SMIM14: variants seen among roughly 807,000 people sequenced by gnomAD.
SMIM14 encodes the protein chromosome 4 open reading frame 34.
SMIM14 carries 5 observed loss-of-function variants against 12.6 expected under a neutral mutation model. The observed-to-expected ratio is 0.40, with a 90% CI of 0.21 to 0.83. The LOEUF (loss-of-function observed/expected upper bound fraction) is 0.83, where lower values mean the gene tolerates loss of function less well. Ranked by LOEUF, SMIM14 falls within the 40% of genes least tolerant of loss-of-function variation. SMIM14 has a pLI of 0.37. For synonymous variants in SMIM14, 30 were observed against 40.1 expected (o/e 0.75, Z 0.95); for missense variants, 86 against 119.1 (o/e 0.72, Z 1.29).
intron 1 of SMIM14, among the ~76,000 whole-genome samples, chr4:39,606,206 C>T (rs1714798117): frequency 6.6e-6 from 1 of 151,926 alleles, no homozygotes; most frequent in Non-Finnish European, 1.5e-5. Context: ...ATTAGCTGGG[C>T]ATGGTGGCAC....
intron 2 of SMIM14, among the ~76,000 whole-genome samples, chr4:39,604,867 T>TC (rs1714746505): frequency 6.6e-6 from 1 of 152,144 alleles, no homozygotes; most frequent in East Asian, 1.9e-4. Context: ...CACCTTGGCC[T>TC]CCCAAAGTGC....
intron 1 of SMIM14, among the ~76,000 whole-genome samples, chr4:39,615,064 G>C (rs947540410): frequency 6.6e-6 from 1 of 152,078 alleles, no homozygotes; most frequent in African/African-American, 2.4e-5. Flanking sequence ...AGAGACAGAG[G>C]GAGTTAAAAT....
intron 2 of SMIM14, among the ~76,000 whole-genome samples, chr4:39,601,358 C>A (rs536394663): frequency 5.3e-4 from 81 of 152,140 alleles, no homozygotes; most frequent in Non-Finnish European, 9.0e-4. Flanking sequence ...AACAAAAAAA[C>A]CCAAAAATTC....
At chr4:39,590,022 C>CAAAAAAAAAAAAAAA (rs34159677) in intron 2 of SMIM14, among the ~76,000 whole-genome samples, 2 of 71,352 alleles carry the variant, frequency 2.8e-5, no homozygotes, top group Non-Finnish European at 5.2e-5. Context: ...GACTCTGTTT[C>CAAAAAAAAAAAAAAA]AAAAAAAAAA....
chr4:39,598,230 CT>C (rs1714454722), intron 2 of SMIM14, among the ~76,000 whole-genome samples: 1 of 152,118 alleles, frequency 6.6e-6, no homozygotes, highest in African/African-American at 2.4e-5. Context: ...CCTATTCCTC[CT>C]TTTTGTACTC....
At chr4:39,595,105 G>A (rs1423971900) in intron 2 of SMIM14, among the ~76,000 whole-genome samples, 1 of 141,566 alleles carries the variant, frequency 7.1e-6, no homozygotes, top group Non-Finnish European at 1.6e-5. Context: ...ACATGCACAC[G>A]TATGTTTATT....
chr4:39,598,030 T>G (rs1462362964), intron 2 of SMIM14, among the ~76,000 whole-genome samples: 1 of 152,208 alleles, frequency 6.6e-6, no homozygotes, highest in African/African-American at 2.4e-5. Flanking sequence ...ACAACCACTA[T>G]AGAGTTCAGG....
chr4:39,547,428 T>TAAAC lies in SMIM14; in HGVS notation c.*4694_*4697dup, dbSNP rs1457324615. On this transcript the variant is annotated 3_prime_UTR_variant, in exon 5 of 5. Coordinates refer to ENST00000295958, the MANE Select transcript of SMIM14 (RefSeq NM_174921.3). ...CAGACATAATTTGTTTGGCGTGATT[T>TAAAC]AAACATATAAAATCAGTAATTAACA... 1 of 152,240 alleles carries TAAAC rather than the reference T, an allele frequency of 6.6e-6. No homozygotes were observed. Among genetic ancestry groups the TAAAC allele is most frequent in the African/African-American group, 2.4e-5 (1 of 41,454 alleles). The allele number at this position is 152,240 out of a possible 1,614,324, so 9.4% of individuals were successfully genotyped here. A position where few individuals can be genotyped will look rare whatever the true frequency, so the allele number is the denominator to read the frequency against.
intron 1 of SMIM14, among the ~76,000 whole-genome samples, chr4:39,627,239 G>C (rs1254773297): frequency 6.6e-6 from 1 of 152,074 alleles, no homozygotes; most frequent in Non-Finnish European, 1.5e-5. Flanking sequence ...ATCACACTGG[G>C]GGTTAGGATT....
chr4:39,577,940 A>G (rs1240265456), intron 2 of SMIM14, among the ~76,000 whole-genome samples: 6 of 152,178 alleles, frequency 3.9e-5, no homozygotes, highest in African/African-American at 7.2e-5. Context: ...CAAACAGGCT[A>G]TGCTCTAGGC....
Position 39,548,866 on chromosome 4 carries a change from T to A in SMIM14, c.*3260A>T, listed in dbSNP as rs1034956453. ...ATATGTAGATGTAATGTCAACTAAGTGCATGTGACAGAAATGAAGAACTAG... is the reference window on the plus strand; with the variant it reads ...ATATGTAGATGTAATGTCAACTAAGAGCATGTGACAGAAATGAAGAACTAG... On this transcript the variant is annotated 3_prime_UTR_variant, in exon 5 of 5. Transcript: ENST00000295958. 6 of 152,172 alleles carry A rather than the reference T, an allele frequency of 3.9e-5. No homozygotes were observed. The highest frequency in any genetic ancestry group is 8.8e-5 in the Non-Finnish European group (6 of 68,038). 9.4% of individuals were successfully genotyped at this position (152,172 alleles called of 1,614,324 possible).
At chr4:39,584,818 A>G (rs1713709176) in intron 2 of SMIM14, among the ~76,000 whole-genome samples, 1 of 151,196 alleles carries the variant, frequency 6.6e-6, no homozygotes, top group Admixed American at 6.6e-5. Flanking sequence ...AAAAGAAAAA[A>G]GAAAAAAAAA....
chr4:39,614,950 T>G (rs1465183212), intron 1 of SMIM14, among the ~76,000 whole-genome samples: 1 of 152,224 alleles, frequency 6.6e-6, no homozygotes, highest in Non-Finnish European at 1.5e-5. Flanking sequence ...ATAACTCAGT[T>G]GAGTCATACT....
At chr4:39,596,486 G>A (rs1714369730) in intron 2 of SMIM14, among the ~76,000 whole-genome samples, 3 of 152,162 alleles carry the variant, frequency 2.0e-5, no homozygotes, top group Non-Finnish European at 4.4e-5. Flanking sequence ...GGTCAGGACT[G>A]AACATGTCTC....
At chr4:39,576,972 A>G (rs1434773188) in intron 2 of SMIM14, among the ~76,000 whole-genome samples, 2 of 151,502 alleles carry the variant, frequency 1.3e-5, no homozygotes, top group Non-Finnish European at 2.9e-5. Context: ...CGGCCTCCCA[A>G]AGTGCTGGGA....
chr4:39,582,101 C>T (rs1713537861), intron 2 of SMIM14, among the ~76,000 whole-genome samples: 1 of 150,314 alleles, frequency 6.7e-6, no homozygotes, highest in South Asian at 2.1e-4. Context: ...AAACTCCCGA[C>T]CTCAGGTGAT....
At chr4:39,587,060 A>G (rs1437980674) in intron 2 of SMIM14, among the ~76,000 whole-genome samples, 1 of 152,010 alleles carries the variant, frequency 6.6e-6, no homozygotes, top group African/African-American at 2.4e-5. Flanking sequence ...TCCAAATGCT[A>G]GCACATTGGG....
At chr4:39,586,080 C>CT (rs1369420576) in intron 2 of SMIM14, among the ~76,000 whole-genome samples, 9 of 152,068 alleles carry the variant, frequency 5.9e-5, no homozygotes. Flanking sequence ...CTGCTGGGGG[C>CT]TGGTGATTTG....
At position 39,619,065 on chromosome 4, in the gene SMIM14, G is replaced by T. The variant is rs1427444361; in HGVS notation, c.-35-13885C>A. Among the ~76,000 whole-genome samples the T allele has an allele frequency of 2.6e-5, 4 of 151,828 alleles. No individual in the cohort carries two copies. The East Asian group carries it at 7.7e-4, about 29-fold the overall frequency. On this transcript the variant is annotated intron_variant, in intron 1 of 4. Coordinates refer to ENST00000295958, the MANE Select transcript of SMIM14 (RefSeq NM_174921.3). Reference sequence around the variant, plus strand: ...AACCAACAAATTAAGTGATGATAGAGGGTAAGACAGGGTTTAGATAATTTA... The same window carrying T: ...AACCAACAAATTAAGTGATGATAGATGGTAAGACAGGGTTTAGATAATTTA...
Sources: allele counts gnomAD v4.1 joint callset (sites outside exome capture counted in the v4.1 genomes callset), GRCh38; gene constraint gnomAD v4.1.1; transcripts MANE v1.5; gene names NCBI Gene and HGNC (gene_info 2026-07-23, HGNC 2026-07-21).